Variants in LRP1B observed in about 807,000 individuals in gnomAD.
The protein encoded by LRP1B is LDL receptor related protein 1B.
LRP1B carries 217 observed loss-of-function variants against 556.6 expected under a neutral mutation model. The ratio of observed to expected loss-of-function variants is 0.39; its 90% CI spans 0.35 to 0.44. The LOEUF (loss-of-function observed/expected upper bound fraction) is 0.44, where lower values mean the gene tolerates loss of function less well. LRP1B is among the 20% of genes least tolerant of loss of function. The pLI, the probability that LRP1B is intolerant of heterozygous loss-of-function variation, is 1.00. For synonymous variants in LRP1B, 2,047 were observed against 1,865.8 expected (o/e 1.10, Z -2.50); for missense variants, 5,053 against 5,620.8 (o/e 0.90, Z 3.23).
chr2:140,403,636 G>C (rs1684602864), intron 66 of LRP1B, among the ~76,000 whole-genome samples: 1 of 152,070 alleles, frequency 6.6e-6, no homozygotes, highest in Non-Finnish European at 1.5e-5. Flanking sequence ...TGTGTAAAAT[G>C]ACAAAAACCT....
At chr2:140,808,809 A>C (rs1311736658) in intron 32 of LRP1B, among the ~76,000 whole-genome samples, 1 of 152,220 alleles carries the variant, frequency 6.6e-6, no homozygotes, top group African/African-American at 2.4e-5. Flanking sequence ...AACTCAAATA[A>C]TAGTTACACC....
chr2:140,823,457 T>C (rs1159306111), intron 31 of LRP1B, among the ~76,000 whole-genome samples: 2 of 152,144 alleles, frequency 1.3e-5, no homozygotes, highest in Admixed American at 6.5e-5. Flanking sequence ...CCTATGTATT[T>C]AAGTATTTCA....
At chr2:141,407,755 C>G (rs1416190897) in intron 3 of LRP1B, among the ~76,000 whole-genome samples, 1 of 152,192 alleles carries the variant, frequency 6.6e-6, no homozygotes, top group African/African-American at 2.4e-5. Flanking sequence ...GCTTGAAGAA[C>G]TTTGAACCAA....
chr2:140,909,292 C>A (rs1694348983), intron 21 of LRP1B, among the ~76,000 whole-genome samples: 1 of 151,914 alleles, frequency 6.6e-6, no homozygotes, highest in African/African-American at 2.4e-5. Flanking sequence ...GGGGCAAATA[C>A]AAGGGAAATG....
chr2:141,749,145 G>T lies in LRP1B; in HGVS notation c.205+61134C>A, dbSNP rs570785896. Among the ~76,000 whole-genome samples, 12 of 152,134 alleles carry T rather than the reference G, an allele frequency of 7.9e-5. 1 individual carries two copies. The highest frequency in any genetic ancestry group is 2.9e-4 in the African/African-American group (12 of 41,528). Reference sequence around the variant, plus strand: ...AAACTCCCCAAATATTCCAGAGAAAGAATTATATTTTTATTCCCTCATTAT... The same window carrying T: ...AAACTCCCCAAATATTCCAGAGAAATAATTATATTTTTATTCCCTCATTAT... On this transcript the variant is annotated intron_variant, in intron 2 of 90. Coordinates refer to ENST00000389484, the MANE Select transcript of LRP1B (RefSeq NM_018557.3).
intron 6 of LRP1B, among the ~76,000 whole-genome samples, chr2:141,203,763 T>C (rs1025251796): frequency 1.3e-5 from 2 of 152,150 alleles, no homozygotes; most frequent in Admixed American, 6.5e-5. Flanking sequence ...TATTCTGAAA[T>C]TGACCACATA....
At chr2:142,065,514 T>C (rs944446131) in intron 1 of LRP1B, among the ~76,000 whole-genome samples, 6 of 151,280 alleles carry the variant, frequency 4.0e-5, no homozygotes, top group Admixed American at 2.0e-4. Flanking sequence ...CATTTGTAAT[T>C]ATTTTGGGCT....
intron 35 of LRP1B, among the ~76,000 whole-genome samples, chr2:140,718,675 C>T (rs1233215317): frequency 6.6e-6 from 1 of 152,064 alleles, no homozygotes; most frequent in Non-Finnish European, 1.5e-5. Flanking sequence ...ACTCTCTAGT[C>T]ACTTCCCATC....
chr2:140,321,555 CTAAGT>C (rs1680129190), intron 82 of LRP1B, among the ~76,000 whole-genome samples: 1 of 151,804 alleles, frequency 6.6e-6, no homozygotes, highest in African/African-American at 2.4e-5. Flanking sequence ...TTCTCAATTT[CTAAGT>C]TAGTGTTTGG....
At chr2:140,778,168 G>A (rs1334533051) in intron 32 of LRP1B, among the ~76,000 whole-genome samples, 2 of 152,170 alleles carry the variant, frequency 1.3e-5, no homozygotes, top group African/African-American at 2.4e-5. Context: ...ACATACAGTT[G>A]CCTGGAGGGA....
intron 66 of LRP1B, among the ~76,000 whole-genome samples, chr2:140,433,441 A>G (rs1332549871): frequency 6.6e-6 from 1 of 152,212 alleles, no homozygotes; most frequent in Non-Finnish European, 1.5e-5. Flanking sequence ...AAAATGGTAA[A>G]TAATTTCTAA....
chr2:141,070,348 C>G (rs1699603582), intron 7 of LRP1B, among the ~76,000 whole-genome samples: 1 of 150,260 alleles, frequency 6.7e-6, no homozygotes, highest in Admixed American at 6.7e-5. Flanking sequence ...GGGACACATT[C>G]AAAGCAGTGT....
intron 3 of LRP1B, among the ~76,000 whole-genome samples, chr2:141,319,984 C>T (rs2105468755): frequency 6.6e-6 from 1 of 152,134 alleles, no homozygotes; most frequent in East Asian, 1.9e-4. Flanking sequence ...ATAAAAATTA[C>T]CTGGGGATCT....
chr2:140,738,202 G>T (rs1329693091), intron 35 of LRP1B, among the ~76,000 whole-genome samples: 1 of 152,072 alleles, frequency 6.6e-6, no homozygotes, highest in East Asian at 1.9e-4. Flanking sequence ...GTGAAAAGAG[G>T]TGTCACCATA....
intron 2 of LRP1B, among the ~76,000 whole-genome samples, chr2:141,499,889 C>T (rs367833128): frequency 3.9e-5 from 6 of 151,918 alleles, no homozygotes; most frequent in Non-Finnish European, 7.4e-5. Context: ...AATGAAGTTA[C>T]TTCTTTTTTT....
At position 140,835,891 on chromosome 2, in the gene LRP1B, C is replaced by T. The variant is rs74719695; in HGVS notation, c.5209+4100G>A. Among the ~76,000 whole-genome samples the T allele has an allele frequency of 4.4e-3, 674 of 152,220 alleles. 7 individuals are homozygous for T. Among genetic ancestry groups the T allele is most frequent in the African/African-American group, 0.016 (652 of 41,554 alleles). On this transcript the variant is annotated intron_variant, in intron 31 of 90. Transcript: ENST00000389484. ...TGCAGGACTCCTGCGTCCATGTGCA[C>T]GTTAATACAGTTGAATACCTTTTTT... is the stretch of plus-strand genomic sequence containing the variant.
chr2:140,937,607 C>T (rs952161190), intron 20 of LRP1B, among the ~76,000 whole-genome samples: 3 of 151,978 alleles, frequency 2.0e-5, no homozygotes, highest in African/African-American at 7.2e-5. Context: ...AAATTTTGTG[C>T]TATGAGTATT....
At chr2:140,578,503 T>C (rs1233059014) in intron 43 of LRP1B, among the ~76,000 whole-genome samples, 2 of 152,238 alleles carry the variant, frequency 1.3e-5, no homozygotes, top group Admixed American at 6.5e-5. Flanking sequence ...GCAGTTACGA[T>C]CCCTGCTCAA....
At chr2:140,992,998 T>C (rs1348125039) in intron 16 of LRP1B, among the ~76,000 whole-genome samples, 2 of 152,054 alleles carry the variant, frequency 1.3e-5, no homozygotes, top group East Asian at 3.9e-4. Context: ...GAAAATATTT[T>C]TTAAAGTTCA....
Sources: allele counts gnomAD v4.1 joint callset (sites outside exome capture counted in the v4.1 genomes callset), GRCh38; gene constraint gnomAD v4.1.1; transcripts MANE v1.5; gene names NCBI Gene and HGNC (gene_info 2026-07-23, HGNC 2026-07-21).